DPP6: variants seen among roughly 807,000 people sequenced by gnomAD.
DPP6 encodes A-type potassium channel modulatory protein DPP6.
DPP6 carries 69 observed loss-of-function variants against 122.6 expected under a neutral mutation model. The observed-to-expected ratio is 0.56, with a 90% CI of 0.46 to 0.69. The LOEUF (loss-of-function observed/expected upper bound fraction) is 0.69, where lower values mean the gene tolerates loss of function less well. DPP6 is among the 30% of genes least tolerant of loss of function. The pLI, the probability that DPP6 is intolerant of heterozygous loss-of-function variation, is 0.00. For synonymous variants in DPP6, 418 were observed against 433.1 expected (o/e 0.97, Z 0.43); for missense variants, 928 against 1,116.9 (o/e 0.83, Z 2.41).
intron 17 of DPP6, among the ~76,000 whole-genome samples, chr7:154,856,860 C>G (rs1802879696): frequency 6.6e-6 from 1 of 152,232 alleles, no homozygotes; most frequent in South Asian, 2.1e-4. Flanking sequence ...ACTGTGCACA[C>G]AGGATGGGGC....
Position 153,946,427 on chromosome 7 carries a change from C to T in DPP6, c.51+58693C>T, listed in dbSNP as rs948400132. Among the ~76,000 whole-genome samples, 15 of 152,112 alleles carry T rather than the reference C, an allele frequency of 9.9e-5. No homozygotes were observed. The South Asian group carries it at 1.5e-3, about 15-fold the overall frequency. ...TGGCATTTGTAAACTGTCATGGTGC[C>T]GGTGGGAGTGTCTTTCAGCATGCGA... is the stretch of plus-strand genomic sequence containing the variant. On this transcript the variant is annotated intron_variant, in intron 1 of 25. Transcript: ENST00000404039.
intron 1 of DPP6, among the ~76,000 whole-genome samples, chr7:153,902,557 G>A (rs766988793): frequency 2.6e-5 from 4 of 152,164 alleles, no homozygotes; most frequent in Non-Finnish European, 2.9e-5. Context: ...CTTATAGGCC[G>A]GGCGTGGTGG....
intron 7 of DPP6, among the ~76,000 whole-genome samples, chr7:154,703,923 C>T (rs1220173587): frequency 2.7e-5 from 4 of 149,492 alleles, no homozygotes; most frequent in Non-Finnish European, 3.0e-5. Flanking sequence ...GGTGACAGAG[C>T]GAGACTCTGT....
At chr7:154,886,364 G>A (rs1439673623) in intron 22 of DPP6, among the ~76,000 whole-genome samples, 1 of 152,232 alleles carries the variant, frequency 6.6e-6, no homozygotes, top group Non-Finnish European at 1.5e-5. Flanking sequence ...GTGACCTGCT[G>A]TGGGGATCAG....
chr7:154,768,540 C>G (rs1034251900), intron 8 of DPP6, among the ~76,000 whole-genome samples: 2 of 151,998 alleles, frequency 1.3e-5, no homozygotes, highest in Non-Finnish European at 2.9e-5. Flanking sequence ...AAGACAGAAC[C>G]CCTTGACCTA....
chr7:153,748,929 C>T, the DPP6 span, among the ~76,000 whole-genome samples: 4 of 151,522 alleles, frequency 2.6e-5, no homozygotes, highest in African/African-American at 9.7e-5. Flanking sequence ...AGAATCTGGG[C>T]CCCTCAACTT....
chr7:154,286,730 T>G (rs1246801519), intron 1 of DPP6, among the ~76,000 whole-genome samples: 1 of 151,614 alleles, frequency 6.6e-6, no homozygotes, highest in African/African-American at 2.4e-5. Flanking sequence ...TCTTCTCCCC[T>G]CACTCTTCCT....
chr7:154,369,576 G>C (rs1307556266), intron 1 of DPP6, among the ~76,000 whole-genome samples: 1 of 152,088 alleles, frequency 6.6e-6, no homozygotes, highest in Non-Finnish European at 1.5e-5. Context: ...ATGTTGGCCA[G>C]GCTGGTCTCA....
intron 1 of DPP6, among the ~76,000 whole-genome samples, chr7:154,138,694 T>A (rs1795700347): frequency 6.6e-6 from 1 of 151,646 alleles, no homozygotes; most frequent in Admixed American, 6.6e-5. Flanking sequence ...GAAAGAGGTG[T>A]CCCCATGGGC....
chr7:154,876,146 C>T (rs1406624243), intron 20 of DPP6, 46 bp downstream of exon 20: 1 of 1,513,802 alleles, frequency 6.6e-7, no homozygotes, highest in Non-Finnish European at 8.8e-7. Flanking sequence ...GGGGACGGGG[C>T]TCCTCATGGG....
Position 154,463,215 on chromosome 7 carries a change from T to G in DPP6, c.359-11724T>G, listed in dbSNP as rs376243345. Among the ~76,000 whole-genome samples the G allele has an allele frequency of 7.0e-4, 93 of 132,938 alleles. No individual in the cohort carries two copies. The South Asian group carries it at 0.023, about 32-fold the overall frequency. The allele number at this position is 132,938 out of a possible 152,430, so 87.2% of individuals were successfully genotyped here. On this transcript the variant is annotated intron_variant, in intron 2 of 25. Coordinates refer to ENST00000377770, the MANE Select transcript of DPP6 (RefSeq NM_130797.4). ...CTTTTCTTTTTTTTTTTTTTTTTTT[T>G]TTTTTTTTTTGAGACGGAGTCTCGC...
chr7:153,794,260 T>C, the DPP6 span, among the ~76,000 whole-genome samples: 1 of 152,226 alleles, frequency 6.6e-6, no homozygotes, highest in Admixed American at 6.5e-5. Flanking sequence ...ATGGAGGCTG[T>C]ACCCTGCAAA....
At position 154,807,168 on chromosome 7, in the gene DPP6, A is replaced by G; in HGVS notation, c.1666+56A>G. ...AGCCCTGGCAGGCACATTTGCAGGG[A>G]GGGGGTGGGCACACTTGCAGGGAGG... is the stretch of plus-strand genomic sequence containing the variant. On this transcript the variant is annotated intron_variant, in intron 16 of 25. Coordinates refer to ENST00000377770, the MANE Select transcript of DPP6 (RefSeq NM_130797.4). The G allele has an allele frequency of 2.2e-6, 3 of 1,389,190 alleles. No individual in the cohort carries two copies. The South Asian group carries it at 3.5e-5, about 16-fold the overall frequency. The allele number at this position is 1,389,190 out of a possible 1,614,324, so 86.1% of individuals were successfully genotyped here.
chr7:154,815,264 G>A (rs1010186646), intron 16 of DPP6, among the ~76,000 whole-genome samples: 4 of 152,172 alleles, frequency 2.6e-5, no homozygotes, highest in Admixed American at 2.0e-4. Context: ...TAGCATATTA[G>A]AGGAAGAAGA....
chr7:154,646,026 T>TAAAAAAAA (rs1380809710), intron 6 of DPP6, among the ~76,000 whole-genome samples: 1 of 2,822 alleles, frequency 3.5e-4, no homozygotes, highest in East Asian at 0.071. Context: ...AGACTCCGTC[T>TAAAAAAAA]CAAAAAAAAA....
At chr7:153,970,744 G>A (rs1237854833) in intron 1 of DPP6, among the ~76,000 whole-genome samples, 1 of 152,138 alleles carries the variant, frequency 6.6e-6, no homozygotes, top group Non-Finnish European at 1.5e-5. Flanking sequence ...TGTTGAAATG[G>A]TGATTGTCTC....
chr7:154,528,878 A>T (rs1326282376), intron 3 of DPP6, among the ~76,000 whole-genome samples: 2 of 152,152 alleles, frequency 1.3e-5, no homozygotes, highest in Admixed American at 1.3e-4. Flanking sequence ...GAGCAGTGTG[A>T]GGGAGTGCAG....
At chr7:154,756,305 T>G (rs535514232) in intron 8 of DPP6, among the ~76,000 whole-genome samples, 2 of 152,270 alleles carry the variant, frequency 1.3e-5, no homozygotes, top group African/African-American at 4.8e-5. Context: ...CATCTTCCCT[T>G]GCGGCTTCCT....
At chr7:154,301,688 ATGTTTGTTC>A (rs1805910773) in intron 1 of DPP6, among the ~76,000 whole-genome samples, 1 of 151,874 alleles carries the variant, frequency 6.6e-6, no homozygotes, top group Non-Finnish European at 1.5e-5. Context: ...CTTAAGTACA[ATGTTTGTTC>A]TCTGGAGGCA....
Sources: allele counts gnomAD v4.1 joint callset (sites outside exome capture counted in the v4.1 genomes callset), GRCh38; gene constraint gnomAD v4.1.1; transcripts MANE v1.5; gene names NCBI Gene and HGNC (gene_info 2026-07-23, HGNC 2026-07-21).